AKR1D1: variants seen among roughly 807,000 people sequenced by gnomAD.
AKR1D1 encodes aldo-keto reductase family 1 member D1, also known as delta(4)-3-ketosteroid 5-beta-reductase.
AKR1D1 carries 32 observed loss-of-function variants against 42.6 expected under a neutral mutation model. The observed-to-expected ratio is 0.75, with a 90% CI of 0.57 to 1.01. AKR1D1 has a LOEUF of 1.01. AKR1D1 is among the 50% of genes least tolerant of loss of function. The pLI, the probability that AKR1D1 is intolerant of heterozygous loss-of-function variation, is 0.00. For missense variants in AKR1D1, 364 were observed against 402.2 expected, an observed-to-expected ratio of 0.91 and a Z score of 0.81; for synonymous variants, 123 against 135.5, an observed-to-expected ratio of 0.91 and a Z score of 0.64.
In AKR1D1 at chr7:138,117,757, T is replaced by A. The variant is rs61290940; in HGVS notation, c.*1095T>A. ...TTTATTGGCCGGGTGCGGTGGCTCA[T>A]GCCTATAATCCCAGCACTTTGGGAG... On this transcript the variant is annotated 3_prime_UTR_variant, in exon 9 of 9. Coordinates refer to ENST00000242375, the MANE Select transcript of AKR1D1 (RefSeq NM_005989.4). 1 of 152,174 alleles carries A rather than the reference T, an allele frequency of 6.6e-6. No homozygotes were observed. Among genetic ancestry groups the A allele is most frequent in the East Asian group, 1.9e-4 (1 of 5,200 alleles). 9.4% of individuals were successfully genotyped at this position (152,174 alleles called of 1,614,324 possible). A position where few individuals can be genotyped will look rare whatever the true frequency, so the allele number is the denominator to read the frequency against.
chr7:138,093,151 T>C (rs187261933), intron 3 of AKR1D1, among the ~76,000 whole-genome samples: 5,076 of 151,108 alleles, frequency 0.034, 307 homozygotes, highest in African/African-American at 0.12. Context: ...TCACTGCAAC[T>C]TCCGCCTCCC....
Position 138,106,662 on chromosome 7 carries a change from C to A in AKR1D1, c.634C>A (p.His212Asn). The A allele has an allele frequency of 6.2e-7, 1 of 1,614,126 alleles. No individual in the cohort carries two copies. Among genetic ancestry groups the A allele is most frequent in the Non-Finnish European group, 8.5e-7 (1 of 1,180,006 alleles). The part of the protein sequence containing the change: ...QPKLLKFCQQ[H>N]DIVITAYSPL... ...AAAACTCTTGAAATTTTGCCAACAA[C>A]ATGACATTGTCATTACTGCATATAG... The change falls in exon 6 of 9, where the codon CAT (histidine) becomes AAT (asparagine). Residue 212 changes from histidine to asparagine, a missense_variant. Coordinates refer to ENST00000242375, the MANE Select transcript of AKR1D1 (RefSeq NM_005989.4).
chr7:138,101,565 T>C (rs995045367), intron 4 of AKR1D1, among the ~76,000 whole-genome samples: 2 of 152,112 alleles, frequency 1.3e-5, no homozygotes, highest in Non-Finnish European at 1.5e-5. Context: ...TTATGCAAGG[T>C]ATGTTGTCTG....
chr7:138,084,968 A>AT (rs1360993588), intron 1 of AKR1D1, among the ~76,000 whole-genome samples: 1 of 145,114 alleles, frequency 6.9e-6, no homozygotes, highest in Non-Finnish European at 1.5e-5. Flanking sequence ...AGGTAGGAGA[A>AT]TCGCTTGAAC....
At chr7:138,108,182 T>C (rs1794471039) in intron 7 of AKR1D1, among the ~76,000 whole-genome samples, 1 of 152,218 alleles carries the variant, frequency 6.6e-6, no homozygotes, top group South Asian at 2.1e-4. Flanking sequence ...TTTACTTCCC[T>C]CTATAAGTAA....
At chr7:138,081,315 T>C (rs1380562502) in intron 1 of AKR1D1, among the ~76,000 whole-genome samples, 1 of 152,014 alleles carries the variant, frequency 6.6e-6, no homozygotes. Context: ...CAATAAACTC[T>C]CCTTTATCCA....
intron 4 of AKR1D1, among the ~76,000 whole-genome samples, chr7:138,099,341 A>T (rs1276696117): frequency 6.6e-6 from 1 of 152,234 alleles, no homozygotes; most frequent in Non-Finnish European, 1.5e-5. Flanking sequence ...TTTCACAAGA[A>T]GACAATACAT....
rs576516865 is a variant in AKR1D1 at position 138,117,855 on chromosome 7, T to C, written c.*1193T>C. ...TAACAAGGTGAAACCCCGTCTCTAC[T>C]AAAAATACAAAAAATTAGCCAGGCG... On this transcript the variant is annotated 3_prime_UTR_variant, in exon 9 of 9. Coordinates refer to ENST00000242375, the MANE Select transcript of AKR1D1 (RefSeq NM_005989.4). 6.6e-6 allele frequency: 1 copy of C among 152,104 alleles called. No individual in the cohort carries two copies. The highest frequency in any genetic ancestry group is 2.4e-5 in the African/African-American group (1 of 41,434). 9.4% of individuals were successfully genotyped at this position (152,104 alleles called of 1,614,324 possible). A position where few individuals can be genotyped will look rare whatever the true frequency, so the allele number is the denominator to read the frequency against.
At chr7:138,082,316 C>A (rs1311902881) in intron 1 of AKR1D1, among the ~76,000 whole-genome samples, 2 of 151,822 alleles carry the variant, frequency 1.3e-5, no homozygotes, top group Non-Finnish European at 2.9e-5. Context: ...AGTTTCCTGT[C>A]CTCTACAGAG....
intron 1 of AKR1D1, among the ~76,000 whole-genome samples, chr7:138,084,390 T>C (rs532344009): frequency 1.3e-5 from 2 of 151,862 alleles, no homozygotes; most frequent in African/African-American, 4.8e-5. Context: ...GGCTAATTTC[T>C]GTATTTTTTA....
chr7:138,108,742 G>C (rs193110486), intron 7 of AKR1D1, among the ~76,000 whole-genome samples: 1 of 152,190 alleles, frequency 6.6e-6, no homozygotes, highest in East Asian at 1.9e-4. Context: ...TGTACAAAAA[G>C]GTGTCTATAG....
chr7:138,077,751 C>T (rs187397219), intron 1 of AKR1D1, among the ~76,000 whole-genome samples: 68 of 152,242 alleles, frequency 4.5e-4, no homozygotes, highest in African/African-American at 1.6e-3. Flanking sequence ...CATGAATGTA[C>T]CAGACAGAGA....
At chr7:138,109,029 G>C (rs894741399) in intron 7 of AKR1D1, among the ~76,000 whole-genome samples, 8 of 152,244 alleles carry the variant, frequency 5.3e-5, no homozygotes, top group African/African-American at 1.9e-4. Context: ...CACACACACA[G>C]ACAGATGTTT....
At chr7:138,083,116 C>T (rs1253592030) in intron 1 of AKR1D1, among the ~76,000 whole-genome samples, 1 of 152,168 alleles carries the variant, frequency 6.6e-6, no homozygotes, top group Non-Finnish European at 1.5e-5. Flanking sequence ...TTAGGAACCT[C>T]CATACTGTTT....
Position 138,107,442 on chromosome 7 carries a change from A to G in AKR1D1, c.717A>G (p.Leu239=), listed in dbSNP as rs775618594. The G allele has an allele frequency of 6.2e-7, 1 of 1,614,096 alleles. No homozygotes were observed. The highest frequency in any genetic ancestry group is 1.1e-5 in the South Asian group (1 of 91,080). The part of the protein sequence containing the change: ...IWVNVSSPPL[L]KDALLNSLGK... ...TGAATGTTTCTTCTCCACCTTTGTT[A>G]AAGGATGCACTTCTAAACTCATTGG... Residue 239 remains leucine, a synonymous_variant, in exon 7 of 9, where the codon TTA becomes TTG. Transcript: ENST00000242375.
intron 3 of AKR1D1, among the ~76,000 whole-genome samples, chr7:138,094,200 GTGTTTGTT>G (rs1325579875): frequency 2.0e-5 from 3 of 152,070 alleles, no homozygotes; most frequent in African/African-American, 4.8e-5. Context: ...ATGTTTTTTG[GTGTTTGTT>G]TGTTTGTTTG....
At chr7:138,099,096 G>A (rs891539127) in intron 4 of AKR1D1, among the ~76,000 whole-genome samples, 19 of 152,176 alleles carry the variant, frequency 1.2e-4, no homozygotes, top group Non-Finnish European at 1.6e-4. Flanking sequence ...TGCCTGTGAG[G>A]CAACAGCTGA....
intron 5 of AKR1D1, 83 bp from the exon 6 acceptor site, chr7:138,106,525 T>C (rs1372826986): frequency 8.8e-6 from 9 of 1,020,326 alleles, no homozygotes; most frequent in African/African-American, 1.6e-5. Context: ...ATGGATTTTA[T>C]TGAAGAATTT....
intron 1 of AKR1D1, among the ~76,000 whole-genome samples, chr7:138,077,773 A>G (rs1802971334): frequency 6.6e-6 from 1 of 152,232 alleles, no homozygotes; most frequent in Non-Finnish European, 1.5e-5. Flanking sequence ...GCACAGCTAA[A>G]GCAGGACATT....
Sources: gnomAD v4.1 joint callset for allele counts (sites outside exome capture counted in the v4.1 genomes callset) on GRCh38, gnomAD v4.1.1 for gene constraint, MANE v1.5 for transcripts, NCBI Gene and HGNC (gene_info 2026-07-23, HGNC 2026-07-21) for gene names.